Variants in CHD7 observed in about 807,000 individuals in gnomAD.
The protein encoded by CHD7 is ATP-dependent chromatin remodeler CHD7.
In CHD7, 24 loss-of-function variants were observed where a neutral mutation model predicts 307.3. That is an observed-to-expected ratio of 0.08 (90% CI 0.06 to 0.11). CHD7 has a LOEUF of 0.11. Among genes scored for constraint, CHD7 ranks in the 10% least tolerant of loss-of-function variants. The pLI, the probability that CHD7 is intolerant of heterozygous loss-of-function variation, is 1.00. For missense variants in CHD7, 3,106 were observed against 3,727.1 expected, an observed-to-expected ratio of 0.83 and a Z score of 4.34; for synonymous variants, 1,363 against 1,349.9, an observed-to-expected ratio of 1.01 and a Z score of -0.21.
chr8:60,788,349 C>T (rs1347234767), intron 3 of CHD7, among the ~76,000 whole-genome samples: 8 of 151,982 alleles, frequency 5.3e-5, no homozygotes. Flanking sequence ...TCGTGTTACC[C>T]AGGCTGGTCT....
intron 26 of CHD7, 81 bp downstream of exon 26, chr8:60,850,703 T>C (rs1805414332): frequency 1.5e-6 from 2 of 1,375,108 alleles, no homozygotes; most frequent in Non-Finnish European, 2.0e-6. Context: ...TACCCTGCAG[T>C]ACACACTGTA....
chr8:60,680,108 C>G (rs951021639), intron 1 of CHD7, among the ~76,000 whole-genome samples: 8 of 151,738 alleles, frequency 5.3e-5, no homozygotes, highest in Admixed American at 6.5e-5. Flanking sequence ...CCCCCGCCCC[C>G]CAACCCGCCG....
chr8:60,815,296 C>T (rs766938605), intron 7 of CHD7, among the ~76,000 whole-genome samples: 12 of 151,976 alleles, frequency 7.9e-5, no homozygotes, highest in Non-Finnish European at 1.8e-4. Flanking sequence ...TTTGTTTTTA[C>T]TTTTTCTTGT....
At chr8:60,688,795 G>A (rs879720505) in intron 1 of CHD7, among the ~76,000 whole-genome samples, 1 of 152,168 alleles carries the variant, frequency 6.6e-6, no homozygotes, top group Non-Finnish European at 1.5e-5. Flanking sequence ...GTGTAGGCAT[G>A]TTTGATCAGC....
intron 6 of CHD7, among the ~76,000 whole-genome samples, chr8:60,803,391 C>T (rs1812399262): frequency 6.6e-6 from 1 of 151,990 alleles, no homozygotes; most frequent in Non-Finnish European, 1.5e-5. Flanking sequence ...TCTGTTTTGC[C>T]CACTTTAGGG....
intron 1 of CHD7, among the ~76,000 whole-genome samples, chr8:60,713,007 G>A (rs538324755): frequency 3.0e-5 from 4 of 133,886 alleles, no homozygotes; most frequent in South Asian, 2.4e-4. Flanking sequence ...CCGAGATTGC[G>A]CCACTGCACT....
chr8:60,800,605 AGTGG>A, intron 5 of CHD7, 80 bp downstream of exon 5: 1 of 1,384,612 alleles, frequency 7.2e-7, no homozygotes, highest in Non-Finnish European at 9.8e-7. Context: ...TGAGAAGTGC[AGTGG>A]AAGCATTGGA....
rs557016513 is a variant in CHD7 at position 60,854,348 on chromosome 8, T to G, written c.6776-15T>G. ...TACTGTGGTTGTGAGTAATGCACAT[T>G]AACTCATTTCTCAGCAGGAGCTGTC... is the stretch of plus-strand genomic sequence containing the variant. On this transcript the variant is annotated splice_polypyrimidine_tract_variant and intron_variant, in intron 31 of 37. Transcript: ENST00000423902. 1 of 1,611,520 alleles carries G rather than the reference T, an allele frequency of 6.2e-7. No individual in the cohort carries two copies. Among genetic ancestry groups the G allele is most frequent in the Admixed American group, 1.7e-5 (1 of 59,770 alleles).
chr8:60,741,297 A>G lies in CHD7; in HGVS notation c.-136A>G. 1.4e-6 allele frequency: 1 copy of G among 712,214 alleles called. No homozygotes were observed. The highest frequency in any genetic ancestry group is 2.3e-6 in the Non-Finnish European group (1 of 428,378). 44.1% of individuals were successfully genotyped at this position (712,214 alleles called of 1,614,324 possible). On this transcript the variant is annotated 5_prime_UTR_variant, in exon 2 of 38. Transcript: ENST00000423902. ...ACTTTGCCTGACACTGCAGGGTCCA[A>G]GAGAATTAAAGAAATATGGAATGAC...
chr8:60,711,732 T>G (rs7845701), intron 1 of CHD7, among the ~76,000 whole-genome samples: 1 of 152,050 alleles, frequency 6.6e-6, no homozygotes, highest in Non-Finnish European at 1.5e-5. Context: ...GACATATTAG[T>G]GTTATTTTAT....
At position 60,742,103 on chromosome 8, in the gene CHD7, A is replaced by G. The variant is rs1809061303; in HGVS notation, c.671A>G (p.Asn224Ser). Reference sequence around the variant, plus strand: ...GGCCAAGAGGGCCTCAATCAGGGAAATCCTTTTATTGCCACCTCAGGACCT... The same window carrying G: ...GGCCAAGAGGGCCTCAATCAGGGAAGTCCTTTTATTGCCACCTCAGGACCT... ...SQGQEGLNQG[N>S]PFIATSGPGH... The change falls in exon 2 of 38, where the codon AAT becomes AGT. Residue 224 changes from asparagine (N) to serine (S), a missense_variant. Coordinates refer to ENST00000423902, the MANE Select transcript of CHD7 (RefSeq NM_017780.4). 1.9e-6 allele frequency: 3 copies of G among 1,613,908 alleles called. No individual in the cohort carries two copies. Among genetic ancestry groups the G allele is most frequent in the South Asian group, 1.1e-5 (1 of 91,078 alleles).
chr8:60,766,340 T>C (rs539854502), intron 2 of CHD7, among the ~76,000 whole-genome samples: 2 of 152,266 alleles, frequency 1.3e-5, no homozygotes, highest in African/African-American at 4.8e-5. Flanking sequence ...GTCCATATGA[T>C]TGAGGGCCTT....
chr8:60,801,342 AGATCTCC>A (rs1812301160), intron 5 of CHD7, among the ~76,000 whole-genome samples, 179 bp from the exon 6 acceptor site: 1 of 152,212 alleles, frequency 6.6e-6, no homozygotes, highest in African/African-American at 2.4e-5. Context: ...TATTAAGCAC[AGATCTCC>A]TTTTTGCCTT....
chr8:60,679,752 G>C (rs909581840), intron 1 of CHD7: 1 of 148,622 alleles, frequency 6.7e-6, no homozygotes, highest in African/African-American at 2.4e-5. Flanking sequence ...TCCTCCCGGC[G>C]CGGCGGCGCC....
intron 1 of CHD7, among the ~76,000 whole-genome samples, chr8:60,731,317 A>G (rs978774075): frequency 3.9e-5 from 6 of 152,218 alleles, no homozygotes; most frequent in African/African-American, 1.4e-4. Flanking sequence ...ATTGTGGGGA[A>G]GGAAAAACAA....
At chr8:60,689,822 C>T (rs1806106975) in intron 1 of CHD7, among the ~76,000 whole-genome samples, 1 of 152,166 alleles carries the variant, frequency 6.6e-6, no homozygotes, top group Non-Finnish European at 1.5e-5. Context: ...ACTTATCAGT[C>T]CAAGACGTAG....
At chr8:60,680,000 G>A (rs370394198) in intron 1 of CHD7, among the ~76,000 whole-genome samples, 1 of 151,802 alleles carries the variant, frequency 6.6e-6, no homozygotes, top group South Asian at 2.1e-4. Context: ...AGCGCCGGGA[G>A]GCGCGGCGAG....
chr8:60,725,662 T>A (rs189703829), intron 1 of CHD7, among the ~76,000 whole-genome samples: 46 of 152,330 alleles, frequency 3.0e-4, no homozygotes, highest in African/African-American at 1.0e-3. Context: ...AACCCTTGAA[T>A]TGTTATTTTG....
chr8:60,782,942 A>G (rs1283572608), intron 3 of CHD7, among the ~76,000 whole-genome samples: 1 of 152,174 alleles, frequency 6.6e-6, no homozygotes, highest in Non-Finnish European at 1.5e-5. Flanking sequence ...GAAAGAAATC[A>G]AAGCAAAAAT....
Sources: allele counts gnomAD v4.1 joint callset (sites outside exome capture counted in the v4.1 genomes callset), GRCh38; gene constraint gnomAD v4.1.1; transcripts MANE v1.5; gene names NCBI Gene and HGNC (gene_info 2026-07-23, HGNC 2026-07-21).